SORCS3: variants seen among roughly 807,000 people sequenced by gnomAD.
SORCS3 encodes the protein VPS10 domain-containing receptor SorCS3.
In SORCS3, 57 loss-of-function variants were observed where a neutral mutation model predicts 146.3. The ratio of observed to expected loss-of-function variants is 0.39; its 90% CI spans 0.31 to 0.49. The LOEUF is 0.49. Ranked by LOEUF, SORCS3 falls within the 20% of genes least tolerant of loss-of-function variation. The probability of loss-of-function intolerance (pLI) is 0.92; values close to 1 mark genes in which losing one functional copy is unlikely to be tolerated. For missense variants in SORCS3, 1,341 were observed against 1,575.5 expected (o/e 0.85, Z 2.52); for synonymous variants, 653 against 618.5 (o/e 1.06, Z -0.83).
intron 1 of SORCS3, among the ~76,000 whole-genome samples, chr10:104,817,255 A>G (rs572579680): frequency 6.6e-6 from 1 of 152,220 alleles, no homozygotes; most frequent in Non-Finnish European, 1.5e-5. Flanking sequence ...TTTAGTACCT[A>G]ATAAGGGCTG....
chr10:104,887,959 CG>C (rs1212866137), intron 2 of SORCS3, among the ~76,000 whole-genome samples: 8 of 6,580 alleles, frequency 1.2e-3, no homozygotes, highest in African/African-American at 2.8e-3. Context: ...ATGGTGGGGG[CG>C]GGGGGGCGGG....
At chr10:105,063,469 C>T (rs2055501316) in intron 5 of SORCS3, among the ~76,000 whole-genome samples, 2 of 152,144 alleles carry the variant, frequency 1.3e-5, no homozygotes, top group African/African-American at 4.8e-5. Flanking sequence ...CCTGTTATTC[C>T]CAGCCATCCC....
intron 8 of SORCS3, among the ~76,000 whole-genome samples, chr10:105,146,364 A>T (rs1412701560): frequency 1.3e-5 from 2 of 151,532 alleles, no homozygotes; most frequent in African/African-American, 2.4e-5. Flanking sequence ...CTGTCTTTAA[A>T]TTTTTTTTTA....
At chr10:104,693,398 T>C (rs2016137251) in intron 1 of SORCS3, among the ~76,000 whole-genome samples, 1 of 152,124 alleles carries the variant, frequency 6.6e-6, no homozygotes, top group South Asian at 2.1e-4. Context: ...TGACTTGCCA[T>C]GTTAGGGGAT....
intron 4 of SORCS3, among the ~76,000 whole-genome samples, chr10:104,991,988 A>G (rs2133663406): frequency 6.6e-6 from 1 of 152,308 alleles, no homozygotes; most frequent in Non-Finnish European, 1.5e-5. Context: ...ATGCATGTCA[A>G]GGTTGCTGAA....
intron 1 of SORCS3, among the ~76,000 whole-genome samples, chr10:104,788,686 T>G (rs2017464373): frequency 6.6e-6 from 1 of 152,212 alleles, no homozygotes; most frequent in Non-Finnish European, 1.5e-5. Context: ...AAAATGAATT[T>G]CAGATCTAAT....
chr10:104,994,766 T>C (rs1322428508), intron 4 of SORCS3, among the ~76,000 whole-genome samples: 1 of 152,210 alleles, frequency 6.6e-6, no homozygotes, highest in Non-Finnish European at 1.5e-5. Context: ...TGATTTATGT[T>C]GTATGTTTCA....
intron 1 of SORCS3, among the ~76,000 whole-genome samples, chr10:104,820,678 T>C (rs1324596279): frequency 6.6e-6 from 1 of 152,224 alleles, no homozygotes; most frequent in Non-Finnish European, 1.5e-5. Context: ...TTATTTAGAA[T>C]ATTTGCATCA....
intron 1 of SORCS3, among the ~76,000 whole-genome samples, chr10:104,663,848 G>A (rs564313400): frequency 4.8e-4 from 72 of 151,540 alleles, no homozygotes; most frequent in Admixed American, 2.4e-3. Flanking sequence ...TATTTTTCTG[G>A]TGCACAGTAA....
chr10:105,245,676 A>G lies in SORCS3; in HGVS notation c.2992+11A>G. The G allele has an allele frequency of 6.2e-7, 1 of 1,613,710 alleles. No individual in the cohort carries two copies. Among genetic ancestry groups the G allele is most frequent in the African/African-American group, 1.3e-5 (1 of 74,994 alleles). On this transcript the variant is annotated intron_variant, in intron 21 of 26. Transcript: ENST00000369701. The stretch of plus-strand genomic sequence containing the variant: ...AGATTGCAGTTCATGGTAAGCCCTG[A>G]AAATTGTTCTGTGATGCTCCTTCCC...
At chr10:105,046,241 A>G (rs905420524) in intron 5 of SORCS3, among the ~76,000 whole-genome samples, 1 of 152,116 alleles carries the variant, frequency 6.6e-6, no homozygotes, top group African/African-American at 2.4e-5. Context: ...TGAACATGGG[A>G]TTCAGAAGAA....
chr10:104,990,298 G>C (rs185575178), intron 4 of SORCS3, among the ~76,000 whole-genome samples: 4 of 152,342 alleles, frequency 2.6e-5, no homozygotes, highest in South Asian at 4.1e-4. Flanking sequence ...AAGTTGGCCA[G>C]CTTCGTAGCA....
chr10:105,207,860 C>T (rs2056612059), intron 16 of SORCS3, among the ~76,000 whole-genome samples: 1 of 152,082 alleles, frequency 6.6e-6, no homozygotes, highest in Non-Finnish European at 1.5e-5. Context: ...TTAGCAAAGA[C>T]CATTAAGATG....
intron 3 of SORCS3, among the ~76,000 whole-genome samples, chr10:104,960,589 C>G (rs73349922): frequency 6.6e-6 from 1 of 152,036 alleles, no homozygotes; most frequent in Non-Finnish European, 1.5e-5. Flanking sequence ...ATCCATTAAT[C>G]CATTAACCAT....
intron 4 of SORCS3, among the ~76,000 whole-genome samples, chr10:105,012,498 GA>G (rs1448193886): frequency 6.6e-6 from 1 of 152,084 alleles, no homozygotes; most frequent in Non-Finnish European, 1.5e-5. Flanking sequence ...AGTCTGGATG[GA>G]AAAGAGTTAA....
At chr10:105,217,501 G>A (rs2056672684) in intron 19 of SORCS3, among the ~76,000 whole-genome samples, 1 of 152,194 alleles carries the variant, frequency 6.6e-6, no homozygotes, top group Admixed American at 6.5e-5. Context: ...TATTATGAAT[G>A]AAGACTGCAC....
At chr10:105,244,277 A>T (rs2056853180) in intron 20 of SORCS3, among the ~76,000 whole-genome samples, 2 of 148,954 alleles carry the variant, frequency 1.3e-5, no homozygotes, top group African/African-American at 4.9e-5. Flanking sequence ...AAAAAAAAAT[A>T]TATATATATA....
At chr10:104,982,727 A>G (rs1345208512) in intron 4 of SORCS3, among the ~76,000 whole-genome samples, 1 of 152,190 alleles carries the variant, frequency 6.6e-6, no homozygotes. Context: ...CTTCATCACC[A>G]TAGAAACACC....
At chr10:104,831,361 T>C (rs937602767) in intron 1 of SORCS3, among the ~76,000 whole-genome samples, 3 of 152,204 alleles carry the variant, frequency 2.0e-5, no homozygotes, top group East Asian at 1.9e-4. Flanking sequence ...GAGTAACTTA[T>C]GGGCACCATC....
Sources: allele counts gnomAD v4.1 joint callset (sites outside exome capture counted in the v4.1 genomes callset), GRCh38; gene constraint gnomAD v4.1.1; transcripts MANE v1.5; gene names NCBI Gene and HGNC (gene_info 2026-07-23, HGNC 2026-07-21).